Variants in GALNS observed in about 807,000 individuals in gnomAD.
GALNS encodes N-acetylgalactosamine-6-sulfatase.
GALNS carries 65 observed loss-of-function variants against 65.9 expected under a neutral mutation model. The observed-to-expected ratio is 0.99, with a 90% CI of 0.81 to 1.21. The LOEUF is 1.21. GALNS is among the 50% of genes most tolerant of loss of function. The probability of loss-of-function intolerance (pLI) is 0.00; values close to 1 mark genes in which losing one functional copy is unlikely to be tolerated. For missense variants in GALNS, 776 were observed against 700.7 expected, an observed-to-expected ratio of 1.11 and a Z score of -1.21; for synonymous variants, 346 against 288.9, an observed-to-expected ratio of 1.20 and a Z score of -2.00.
intron 12 of GALNS, among the ~76,000 whole-genome samples, chr16:88,819,261 G>A (rs1162043501): frequency 6.6e-6 from 1 of 152,102 alleles, no homozygotes; most frequent in Non-Finnish European, 1.5e-5. Flanking sequence ...CAGGCCTGGG[G>A]TTGCATCAGA....
At chr16:88,854,303 T>C (rs2143010666) in intron 1 of GALNS, among the ~76,000 whole-genome samples, 2 of 152,316 alleles carry the variant, frequency 1.3e-5, no homozygotes, top group South Asian at 4.1e-4. Context: ...TGGACAGGGC[T>C]GCGGAGGAAG....
chr16:88,856,834 A>G lies in GALNS; in HGVS notation c.44T>C (p.Leu15Pro), dbSNP rs1214582833. The part of the protein sequence containing the change: ...VAATRWWQLL[L>P]VLSAAGMGAS... ...CCCCATCCCCGCGGCGCTGAGCACCAGCAACAGCTGCCACCACCTCGTCGC... is the reference window on the plus strand; with the variant it reads ...CCCCATCCCCGCGGCGCTGAGCACCGGCAACAGCTGCCACCACCTCGTCGC... The change falls in exon 1 of 14, where the codon CTG becomes CCG. Residue 15 changes from leucine (L) to proline (P), a missense_variant. Leu to Pro is a moderately conservative substitution (Grantham distance 98). Coordinates refer to ENST00000268695, the MANE Select transcript of GALNS (RefSeq NM_000512.5). 1.3e-6 allele frequency: 2 copies of G among 1,521,108 alleles called. No homozygotes were observed. The highest frequency in any genetic ancestry group is 1.7e-6 in the Non-Finnish European group (2 of 1,143,820). 94.2% of individuals were successfully genotyped at this position (1,521,108 alleles called of 1,614,324 possible).
At chr16:88,847,589 G>T (rs1442870957) in intron 1 of GALNS, among the ~76,000 whole-genome samples, 1 of 152,216 alleles carries the variant, frequency 6.6e-6, no homozygotes, top group Non-Finnish European at 1.5e-5. Context: ...CCCAAGACAG[G>T]CTGCATGGGC....
chr16:88,831,902 G>T, intron 9 of GALNS, 96 bp downstream of exon 9: 1 of 1,005,480 alleles, frequency 9.9e-7, no homozygotes, highest in Non-Finnish European at 1.5e-6. Flanking sequence ...ATGAGCACGG[G>T]GTGCATGGGG....
intron 8 of GALNS, among the ~76,000 whole-genome samples, 167 bp downstream of exon 8, chr16:88,835,046 C>T (rs1355049341): frequency 1.3e-5 from 2 of 152,198 alleles, no homozygotes; most frequent in African/African-American, 4.8e-5. Flanking sequence ...TAGTCCTGGG[C>T]CAGAAGGGCC....
At chr16:88,817,598 T>G (rs1400595576) in intron 13 of GALNS, among the ~76,000 whole-genome samples, 1 of 152,166 alleles carries the variant, frequency 6.6e-6, no homozygotes, top group Non-Finnish European at 1.5e-5. Context: ...CCCGGGAGTT[T>G]GGAGGTCATC....
chr16:88,819,109 T>A (rs1424285239), intron 12 of GALNS, among the ~76,000 whole-genome samples: 1 of 152,226 alleles, frequency 6.6e-6, no homozygotes, highest in African/African-American at 2.4e-5. Context: ...GAGAACTGGC[T>A]TTTTGCTCCA....
rs557908994 is a variant in GALNS at position 88,831,806 on chromosome 16, G to A, written c.1002+192C>T. ...GGAGGAGAGCGGTGAGGCCGAGCAC[G>A]GGGAGCGTGGGGAGGAGGGTGGTGA... On this transcript the variant is annotated intron_variant, in intron 9 of 13. Coordinates refer to ENST00000268695, the MANE Select transcript of GALNS (RefSeq NM_000512.5). Among the ~76,000 whole-genome samples the A allele has an allele frequency of 9.1e-5, 13 of 143,274 alleles. No homozygotes were observed. The South Asian group carries it at 2.3e-3, about 25-fold the overall frequency. The allele number at this position is 143,274 out of a possible 152,430, so 94.0% of individuals were successfully genotyped here.
At chr16:88,844,097 C>T (rs1297651747) in intron 1 of GALNS, 1 of 151,744 alleles carries the variant, frequency 6.6e-6, no homozygotes, top group African/African-American at 2.4e-5. Context: ...GGACTGTGCC[C>T]GAGTGGTGCA....
chr16:88,852,213 G>A (rs975349200), intron 1 of GALNS, among the ~76,000 whole-genome samples: 3 of 152,224 alleles, frequency 2.0e-5, no homozygotes, highest in Non-Finnish European at 4.4e-5. Flanking sequence ...CTGTTCTGCA[G>A]CCTCCACTGG....
At chr16:88,814,938 G>T in intron 13 of GALNS, 3 of 672,344 alleles carry the variant, frequency 4.5e-6, no homozygotes, top group Non-Finnish European at 5.5e-6. Context: ...TCCCCAAGTT[G>T]GCCAGGCTGG....
At chr16:88,847,511 T>G (rs972309871) in intron 1 of GALNS, among the ~76,000 whole-genome samples, 4 of 152,220 alleles carry the variant, frequency 2.6e-5, no homozygotes, top group Non-Finnish European at 4.4e-5. Context: ...AGGAGGGCTG[T>G]GCCTGGAGGC....
At chr16:88,835,077 T>C (rs1277711399) in intron 8 of GALNS, 136 bp downstream of exon 8, 6 of 1,156,192 alleles carry the variant, frequency 5.2e-6, no homozygotes, top group South Asian at 2.8e-5. Context: ...CTCGGTGACA[T>C]CTGCTCCTCC....
rs1909361310 is a variant in GALNS, at chr16:88,813,914, G to A, written c.*525C>T. The A allele has an allele frequency of 5.2e-6, 1 of 192,672 alleles. No homozygotes were observed. Among genetic ancestry groups the A allele is most frequent in the African/African-American group, 2.3e-5 (1 of 42,880 alleles). 11.9% of individuals were successfully genotyped at this position (192,672 alleles called of 1,614,324 possible). A position where few individuals can be genotyped will look rare whatever the true frequency, so the allele number is the denominator to read the frequency against. ...CCCTGAGACAAACGCTTATATGATTGCCCCGTTCCCTTACTGTTTACATAA... is the reference window on the plus strand; with the variant it reads ...CCCTGAGACAAACGCTTATATGATTACCCCGTTCCCTTACTGTTTACATAA... On this transcript the variant is annotated 3_prime_UTR_variant, in exon 14 of 14. Transcript: ENST00000268695.
rs114278491 is a variant in GALNS at position 88,818,997 on chromosome 16, T to A, written c.1365-873A>T. On this transcript the variant is annotated intron_variant, in intron 12 of 13. Transcript: ENST00000268695. ...AGACGGGGTTACCAGGTGAGTCAGC[T>A]CCCCTCCTGATGGCAGCACCTGTCC... Among the ~76,000 whole-genome samples the A allele has an allele frequency of 9.3e-3, 1,412 of 152,108 alleles. 20 individuals are homozygous for A. The highest frequency in any genetic ancestry group is 0.032 in the African/African-American group (1,324 of 41,494).
intron 1 of GALNS, among the ~76,000 whole-genome samples, chr16:88,850,574 C>A (rs1967461119): frequency 6.6e-6 from 1 of 152,130 alleles, no homozygotes; most frequent in Admixed American, 6.5e-5. Flanking sequence ...AGGGAGCACT[C>A]TCGCTGGGAG....
At position 88,837,743 on chromosome 16, in the gene GALNS, A is replaced by C; in HGVS notation, c.445T>G (p.Phe149Val). ...GKWHLGHRPQ[F>V]HPLKHGFDEW... The stretch of plus-strand genomic sequence containing the variant: ...TCAAATCCGTGCTTCAGGGGGTGGA[A>C]CTGGGGCCTGTGACCCAGATGCCTG... The change falls in exon 5 of 14, where the codon TTC becomes GTC. Residue 149 changes from phenylalanine to valine, a missense_variant. Phe to Val is a conservative substitution (Grantham distance 50). Coordinates refer to ENST00000268695, the MANE Select transcript of GALNS (RefSeq NM_000512.5). The C allele has an allele frequency of 6.2e-7, 1 of 1,613,994 alleles. No individual in the cohort carries two copies. The highest frequency in any genetic ancestry group is 1.3e-5 in the African/African-American group (1 of 75,036).
chr16:88,834,842 C>CG (rs1327232877), intron 8 of GALNS, among the ~76,000 whole-genome samples: 4 of 152,212 alleles, frequency 2.6e-5, no homozygotes, highest in Non-Finnish European at 5.9e-5. Flanking sequence ...CAGGGCTGCT[C>CG]GGGGTCTGGG....
At chr16:88,855,097 A>G in intron 1 of GALNS, 1 of 451,174 alleles carries the variant, frequency 2.2e-6, no homozygotes, top group South Asian at 1.7e-5. Flanking sequence ...ATTTACCGGG[A>G]GCCACATTAG....
Sources: gnomAD v4.1 joint callset for allele counts (sites outside exome capture counted in the v4.1 genomes callset) on GRCh38, gnomAD v4.1.1 for gene constraint, MANE v1.5 for transcripts, NCBI Gene and HGNC (gene_info 2026-07-23, HGNC 2026-07-21) for gene names.